The following RSRC1 variants were observed in gnomAD, a reference collection of about 807,000 sequenced individuals.
The protein encoded by RSRC1 is serine/Arginine-related protein 53.
RSRC1 carries 39 observed loss-of-function variants against 49.1 expected under a neutral mutation model. The observed-to-expected ratio is 0.79, with a 90% CI of 0.61 to 1.04. The LOEUF (loss-of-function observed/expected upper bound fraction) is 1.04, where lower values mean the gene tolerates loss of function less well. Among genes scored for constraint, RSRC1 ranks in the 50% least tolerant of loss-of-function variants. RSRC1 has a pLI of 0.00. For synonymous variants in RSRC1, 143 were observed against 130.8 expected (o/e 1.09, Z -0.63); for missense variants, 388 against 402.4 (o/e 0.96, Z 0.31).
chr3:158,504,245 G>C (rs1252813500), intron 7 of RSRC1, among the ~76,000 whole-genome samples: 1 of 152,180 alleles, frequency 6.6e-6, no homozygotes, highest in Non-Finnish European at 1.5e-5. Flanking sequence ...GGTCCTGCAG[G>C]AGCAGTCAGC....
chr3:158,241,175 C>T (rs1220989602), intron 4 of RSRC1, among the ~76,000 whole-genome samples: 2 of 152,092 alleles, frequency 1.3e-5, no homozygotes, highest in South Asian at 2.1e-4. Flanking sequence ...TGGCTGGGCA[C>T]GGTGGCTCAC....
intron 5 of RSRC1, among the ~76,000 whole-genome samples, chr3:158,352,881 G>T (rs568778272): frequency 2.9e-4 from 44 of 152,144 alleles, no homozygotes; most frequent in African/African-American, 9.6e-4. Flanking sequence ...ATAAATGTTT[G>T]CATTAATGGC....
chr3:158,190,676 T>C (rs190192643), intron 3 of RSRC1, among the ~76,000 whole-genome samples: 1 of 151,724 alleles, frequency 6.6e-6, no homozygotes. Context: ...TCAAGTGTTA[T>C]GTTACAGTCT....
chr3:158,498,254 G>A (rs1578547925), intron 7 of RSRC1, among the ~76,000 whole-genome samples: 2 of 146,788 alleles, frequency 1.4e-5, no homozygotes, highest in East Asian at 2.0e-4. Context: ...TTTTATGGCC[G>A]TTCTTGCAGG....
chr3:158,196,663 G>A (rs940897738), intron 3 of RSRC1, among the ~76,000 whole-genome samples: 3 of 152,120 alleles, frequency 2.0e-5, no homozygotes, highest in Non-Finnish European at 4.4e-5. Flanking sequence ...TTATTATTTT[G>A]AGATATGTCT....
intron 7 of RSRC1, among the ~76,000 whole-genome samples, chr3:158,518,015 G>T (rs545453111): frequency 5.5e-5 from 8 of 146,162 alleles, no homozygotes; most frequent in African/African-American, 1.8e-4. Context: ...ACCAAACATG[G>T]TTATGGTGTA....
At chr3:158,439,822 A>T (rs888718087) in intron 6 of RSRC1, among the ~76,000 whole-genome samples, 1 of 151,938 alleles carries the variant, frequency 6.6e-6, no homozygotes, top group Non-Finnish European at 1.5e-5. Context: ...ATAAAAATTT[A>T]AAAATAATAA....
At chr3:158,492,090 G>A (rs984156215) in intron 7 of RSRC1, among the ~76,000 whole-genome samples, 2 of 152,192 alleles carry the variant, frequency 1.3e-5, no homozygotes, top group Non-Finnish European at 2.9e-5. Context: ...AGCAAGGCAT[G>A]TTTTACATGG....
chr3:158,260,166 C>T (rs979702879), intron 4 of RSRC1, among the ~76,000 whole-genome samples: 1 of 152,098 alleles, frequency 6.6e-6, no homozygotes, highest in Non-Finnish European at 1.5e-5. Context: ...CAATAGCCAC[C>T]ACAGCTTGGA....
chr3:158,229,167 T>C (rs1485227897), intron 4 of RSRC1, among the ~76,000 whole-genome samples: 1 of 136,444 alleles, frequency 7.3e-6, no homozygotes, highest in Non-Finnish European at 1.6e-5. Context: ...TATATGTATA[T>C]AAACATATGT....
intron 3 of RSRC1, among the ~76,000 whole-genome samples, chr3:158,172,800 G>T (rs1016894316): frequency 6.6e-6 from 1 of 152,044 alleles, no homozygotes; most frequent in South Asian, 2.1e-4. Flanking sequence ...ACTCTGTGAG[G>T]TTAAAACAAT....
intron 7 of RSRC1, among the ~76,000 whole-genome samples, chr3:158,508,987 A>G (rs1189927832): frequency 1.3e-5 from 2 of 152,118 alleles, no homozygotes; most frequent in Non-Finnish European, 2.9e-5. Flanking sequence ...TGAGACACGA[A>G]TGTTTTTAAC....
intron 4 of RSRC1, among the ~76,000 whole-genome samples, chr3:158,232,871 A>ACC (rs1723044905): frequency 1.3e-5 from 2 of 152,092 alleles, no homozygotes; most frequent in African/African-American, 4.8e-5. Flanking sequence ...TACTTATATG[A>ACC]CATGTTTTTA....
chr3:158,247,472 G>A (rs888959854), intron 4 of RSRC1, among the ~76,000 whole-genome samples: 1 of 151,564 alleles, frequency 6.6e-6, no homozygotes, highest in Non-Finnish European at 1.5e-5. Flanking sequence ...TCAGGGTTTT[G>A]CACTGATTTC....
At chr3:158,260,473 C>T (rs1180000322) in intron 4 of RSRC1, among the ~76,000 whole-genome samples, 1 of 152,092 alleles carries the variant, frequency 6.6e-6, no homozygotes, top group Non-Finnish European at 1.5e-5. Flanking sequence ...ATCTCCTCTC[C>T]TCAAGCAGAA....
At chr3:158,158,542 GT>G (rs1553762799) in intron 3 of RSRC1, among the ~76,000 whole-genome samples, 5 of 152,058 alleles carry the variant, frequency 3.3e-5, no homozygotes, top group Non-Finnish European at 7.4e-5. Context: ...ACATGAAATT[GT>G]CTTTTCCCCC....
intron 4 of RSRC1, chr3:158,276,379 G>T (rs1578274661): frequency 2.6e-6 from 2 of 776,244 alleles, no homozygotes; most frequent in Non-Finnish European, 2.3e-6. Flanking sequence ...ATGACATCAG[G>T]CTGCTTTCTC....
chr3:158,530,931 TAAAA>T (rs564197735), intron 7 of RSRC1, among the ~76,000 whole-genome samples: 3 of 123,544 alleles, frequency 2.4e-5, no homozygotes, highest in East Asian at 2.3e-4. Context: ...AAAAGAAACT[TAAAA>T]AAAAAAAAAA....
intron 3 of RSRC1, among the ~76,000 whole-genome samples, chr3:158,188,268 A>G (rs941112612): frequency 2.6e-5 from 4 of 151,958 alleles, no homozygotes; most frequent in African/African-American, 9.7e-5. Context: ...CCTTACATTT[A>G]TAGATTAGAA....
Sources: gnomAD v4.1 joint callset for allele counts (sites outside exome capture counted in the v4.1 genomes callset) on GRCh38, gnomAD v4.1.1 for gene constraint, MANE v1.5 for transcripts, NCBI Gene and HGNC (gene_info 2026-07-23, HGNC 2026-07-21) for gene names.